Variants in AP4E1 observed in about 807,000 individuals in gnomAD.
The protein encoded by AP4E1 is adaptor related protein complex 4 subunit epsilon 1, also known as AP-4 complex subunit epsilon-1.
AP4E1 carries 56 observed loss-of-function variants against 128.2 expected under a neutral mutation model. That is an observed-to-expected ratio of 0.44 (90% confidence interval 0.35 to 0.55). The LOEUF (loss-of-function observed/expected upper bound fraction) is 0.55. AP4E1 is among the 20% of genes least tolerant of loss of function. The pLI is 0.00. For missense variants in AP4E1, 1,324 were observed against 1,307.7 expected, an observed-to-expected ratio of 1.01 and a Z score of -0.19; for synonymous variants, 484 against 473.1, an observed-to-expected ratio of 1.02 and a Z score of -0.30.
rs986724559 is a variant in AP4E1, at chr15:50,972,955, C to G, written c.1966+4578C>G. Among the ~76,000 whole-genome samples, 4 of 152,094 alleles carry G rather than the reference C, an allele frequency of 2.6e-5. No homozygotes were observed. The East Asian group carries it at 7.7e-4, about 29-fold the overall frequency. On this transcript the variant is annotated intron_variant, in intron 15 of 20. Transcript: ENST00000261842. Reference sequence around the variant, plus strand: ...AAGTGTATTAGAATTCTTCGTTCAACAAAATATCTGATGATTTAAGTTAGA... The same window carrying G: ...AAGTGTATTAGAATTCTTCGTTCAAGAAAATATCTGATGATTTAAGTTAGA...
chr15:50,912,539 T>C (rs2063577830), intron 2 of AP4E1, among the ~76,000 whole-genome samples: 1 of 152,260 alleles, frequency 6.6e-6, no homozygotes, highest in African/African-American at 2.4e-5. Flanking sequence ...TTTTAAAGTT[T>C]GTTCTACATA....
At chr15:50,971,400 T>C (rs1338892369) in intron 15 of AP4E1, among the ~76,000 whole-genome samples, 1 of 152,184 alleles carries the variant, frequency 6.6e-6, no homozygotes, top group African/African-American at 2.4e-5. Context: ...CTTTTGACAG[T>C]TTGACTAAAA....
chr15:50,949,165 C>G (rs912938034), intron 11 of AP4E1, among the ~76,000 whole-genome samples: 2 of 151,748 alleles, frequency 1.3e-5, no homozygotes, highest in African/African-American at 4.8e-5. Context: ...AATCACAGCA[C>G]TTTGGGAGGC....
At chr15:50,956,285 T>C (rs1305901877) in intron 13 of AP4E1, among the ~76,000 whole-genome samples, 1 of 152,208 alleles carries the variant, frequency 6.6e-6, no homozygotes, top group African/African-American at 2.4e-5. Flanking sequence ...TGTTTAAGGA[T>C]TGAACTCATT....
At chr15:50,923,907 A>G in intron 3 of AP4E1, 24 bp from the exon 4 acceptor site, 2 of 1,581,150 alleles carry the variant, frequency 1.3e-6, no homozygotes, top group Non-Finnish European at 1.7e-6. Context: ...GTTAGTAATC[A>G]GACTTTTCCC....
Position 50,925,210 on chromosome 15 carries a change from A to G in AP4E1, c.533A>G (p.Gln178Arg). Reference protein sequence around the residue: ...AVLPLIEDKLQHSKEIVRRKA... With the variant: ...AVLPLIEDKLRHSKEIVRRKA... ...CTTCCATTAATAGAAGATAAACTTC[A>G]ACATTCTAAGTAAGTAAATTCTTTT... The change falls in exon 5 of 21, where the codon CAA (glutamine) becomes CGA (arginine). Residue 178 changes from glutamine to arginine, a missense_variant. Physicochemically the swap from Gln to Arg is conservative, Grantham distance 43. Transcript: ENST00000261842. 6.2e-7 allele frequency: 1 copy of G among 1,613,370 alleles called. No homozygotes were observed. Among genetic ancestry groups the G allele is most frequent in the Non-Finnish European group, 8.5e-7 (1 of 1,179,346 alleles).
At chr15:50,910,430 T>C (rs756826102) in intron 1 of AP4E1, among the ~76,000 whole-genome samples, 13 of 152,144 alleles carry the variant, frequency 8.5e-5, no homozygotes, top group Non-Finnish European at 1.8e-4. Context: ...CACAGGAAAA[T>C]AGAATTAAAC....
chr15:50,984,061 C>T lies in AP4E1; in HGVS notation c.2006C>T (p.Ser669Phe), dbSNP rs2064681190. 2 of 1,613,214 alleles carry T rather than the reference C, an allele frequency of 1.2e-6. No individual in the cohort carries two copies. Among genetic ancestry groups the T allele is most frequent in the Non-Finnish European group, 1.7e-6 (2 of 1,179,424 alleles). Residue 669 changes from serine to phenylalanine, a missense_variant, in exon 16 of 21, where the codon TCT becomes TTT. By Grantham distance (155) the Ser-to-Phe change is radical (BLOSUM62 -2). Transcript: ENST00000261842. ...CCATATGGACTCTCCTTTTCTTCAT[C>T]TGGCTTCACTGGACGACAGTCTCCT... is the stretch of plus-strand genomic sequence containing the variant. Reference protein sequence around the residue: ...FEPYGLSFSSSGFTGRQSPAG... With the variant: ...FEPYGLSFSSFGFTGRQSPAG...
At chr15:50,983,142 G>A (rs760921616) in intron 15 of AP4E1, among the ~76,000 whole-genome samples, 147 of 152,262 alleles carry the variant, frequency 9.7e-4, no homozygotes, top group Middle Eastern at 3.4e-3. Context: ...AGTAGGCAAT[G>A]TAGGGTTGAT....
At position 51,002,825 on chromosome 15, in the gene AP4E1, A is replaced by G. The variant is rs1000322136; in HGVS notation, c.*163A>G. 6 of 880,734 alleles carry G rather than the reference A, an allele frequency of 6.8e-6. No homozygotes were observed. The highest frequency in any genetic ancestry group is 1.8e-6 in the Non-Finnish European group (1 of 570,118). 54.6% of individuals were successfully genotyped at this position (880,734 alleles called of 1,614,324 possible). On this transcript the variant is annotated 3_prime_UTR_variant, in exon 21 of 21. Transcript: ENST00000261842. ...GATTCCTGGTCAAGAAAGATCCCCA[A>G]AACTGTATCCCTAACCTTTAACTCA...
intron 15 of AP4E1, among the ~76,000 whole-genome samples, chr15:50,969,119 G>A (rs2064439911): frequency 6.6e-6 from 1 of 151,878 alleles, no homozygotes; most frequent in South Asian, 2.1e-4. Flanking sequence ...CAGGTATTAA[G>A]CCTAGTACCC....
At chr15:51,002,378 C>A (rs1337544807) in intron 20 of AP4E1, 124 bp from the exon 21 acceptor site, 1 of 997,938 alleles carries the variant, frequency 1.0e-6, no homozygotes, top group African/African-American at 1.6e-5. Context: ...TTTGCAGTCT[C>A]CTTAGTGGTT....
chr15:50,990,492 TTGAA>T (rs1225105106), intron 16 of AP4E1, among the ~76,000 whole-genome samples: 1 of 151,730 alleles, frequency 6.6e-6, no homozygotes. Flanking sequence ...GCCTCAGACT[TTGAA>T]TGTGGAGTAC....
chr15:50,999,062 C>CTATT lies in AP4E1; in HGVS notation c.2905-8_2905-5dup. ...TCCTTCTTCAACACTTTTATTACTT[C>CTATT]TATTTGCAGGTGACTGAGCAACCTG... On this transcript the variant is annotated splice_polypyrimidine_tract_variant and intron_variant, in intron 18 of 20. Transcript: ENST00000261842. 1 of 1,613,620 alleles carries CTATT rather than the reference C, an allele frequency of 6.2e-7. No individual in the cohort carries two copies.
chr15:50,958,558 A>G lies in AP4E1; in HGVS notation c.1615A>G (p.Lys539Glu). 1.2e-6 allele frequency: 2 copies of G among 1,614,070 alleles called. No homozygotes were observed. The highest frequency in any genetic ancestry group is 1.1e-5 in the South Asian group (1 of 91,080). Residue 539 changes from lysine to glutamate, a missense_variant, in exon 14 of 21, where the codon AAG becomes GAG. By Grantham distance (56) the Lys-to-Glu change is moderately conservative. Transcript: ENST00000261842. ...AGAGGAAGTTATAGCTAAGCTCTAC[A>G]AGTTACTTATGAATGACTCTGTGTC... ...TPEEVIAKLYKLLMNDSVSSE... is the reference protein window; with the variant it reads ...TPEEVIAKLYELLMNDSVSSE...
intron 15 of AP4E1, 52 bp downstream of exon 15, chr15:50,968,429 A>T: frequency 8.1e-7 from 1 of 1,236,310 alleles, no homozygotes; most frequent in Non-Finnish European, 1.2e-6. Context: ...GTAATTTTTG[A>T]TATTATAGTC....
rs759132322 is a variant in AP4E1, at chr15:50,908,753, C to T, written c.-26C>T. On this transcript the variant is annotated 5_prime_UTR_variant, in exon 1 of 21. Transcript: ENST00000261842. ...CGGGCGGCTACGGGATCGCGGGCGG[C>T]GGCGGCATCGCGGGCGGCGGCGGCG... The T allele has an allele frequency of 1.9e-5, 29 of 1,507,620 alleles. 2 individuals carry two copies. In the African/African-American group the frequency reaches 2.5e-4, roughly 13 times the overall value. 93.4% of individuals were successfully genotyped at this position (1,507,620 alleles called of 1,614,324 possible). A position where few individuals can be genotyped will look rare whatever the true frequency, so the allele number is the denominator to read the frequency against.
At chr15:50,975,477 G>A (rs1160912342) in intron 15 of AP4E1, among the ~76,000 whole-genome samples, 1 of 151,994 alleles carries the variant, frequency 6.6e-6, no homozygotes, top group African/African-American at 2.4e-5. Flanking sequence ...TTTTATGTAT[G>A]GTATAAGATA....
At chr15:50,944,625 A>C in intron 10 of AP4E1, 1 of 298,974 alleles carries the variant, frequency 3.3e-6, no homozygotes, top group Non-Finnish European at 6.1e-6. Flanking sequence ...ACTCACAGCA[A>C]AGAGCTCGTG....
Sources: gnomAD v4.1 joint callset for allele counts (sites outside exome capture counted in the v4.1 genomes callset) on GRCh38, gnomAD v4.1.1 for gene constraint, MANE v1.5 for transcripts, NCBI Gene and HGNC (gene_info 2026-07-23, HGNC 2026-07-21) for gene names.